FOXP1: variants seen among roughly 807,000 people sequenced by gnomAD.
FOXP1 encodes forkhead box protein P1.
In FOXP1, 15 loss-of-function variants were observed where a neutral mutation model predicts 98.2. The observed-to-expected ratio is 0.15, with a 90% CI of 0.10 to 0.24. The LOEUF is 0.24. FOXP1 is among the 10% of genes least tolerant of loss of function. The probability of loss-of-function intolerance (pLI) is 1.00; values close to 1 mark genes in which losing one functional copy is unlikely to be tolerated. For missense variants in FOXP1, 633 were observed against 848.5 expected (o/e 0.75, Z 3.15); for synonymous variants, 371 against 314.5 (o/e 1.18, Z -1.90).
At chr3:71,296,384 C>T (rs1479074176) in intron 5 of FOXP1, 3 of 152,180 alleles carry the variant, frequency 2.0e-5, no homozygotes, top group African/African-American at 7.2e-5. Flanking sequence ...AAACGCTAAC[C>T]ACTATATTCA....
At chr3:71,515,346 G>C (rs555206980) in intron 2 of FOXP1, among the ~76,000 whole-genome samples, 1 of 138,344 alleles carries the variant, frequency 7.2e-6, no homozygotes, top group African/African-American at 2.7e-5. Context: ...ATTTCTGCTT[G>C]TTGTTTTACA....
rs34693899 is a variant in FOXP1 at position 71,352,470 on chromosome 3, C to CAAAA, written c.-73+6676_-73+6679dup. Among the ~76,000 whole-genome samples, 318 of 66,542 alleles carry CAAAA rather than the reference C, an allele frequency of 4.8e-3. 7 individuals are homozygous for CAAAA. Among genetic ancestry groups the CAAAA allele is most frequent in the East Asian group, 6.7e-3 (13 of 1,930 alleles). 43.7% of individuals were successfully genotyped at this position (66,542 alleles called of 152,430 possible). A position where few individuals can be genotyped will look rare whatever the true frequency, so the allele number is the denominator to read the frequency against. On this transcript the variant is annotated intron_variant, in intron 4 of 20. Transcript: ENST00000649528. ...TGGGCAACAGAGCGAGACTCCATCT[C>CAAAA]AAAAAAAAAAAAAAAAAAAAAAACA...
intron 6 of FOXP1, among the ~76,000 whole-genome samples, chr3:71,160,481 G>T (rs757887230): frequency 6.6e-6 from 1 of 152,186 alleles, no homozygotes; most frequent in Non-Finnish European, 1.5e-5. Flanking sequence ...TGAAAATCAA[G>T]TGATAAACCA....
chr3:71,447,142 A>C (rs1230947945), intron 3 of FOXP1, among the ~76,000 whole-genome samples: 1 of 152,258 alleles, frequency 6.6e-6, no homozygotes, highest in Non-Finnish European at 1.5e-5. Flanking sequence ...AACCTCAGTA[A>C]ATAAATGCCA....
At chr3:71,542,198 C>A in intron 2 of FOXP1, 1 of 379,008 alleles carries the variant, frequency 2.6e-6, no homozygotes, top group South Asian at 2.1e-5. Context: ...TCATATGGCA[C>A]ATAAATTTTA....
chr3:71,026,752 G>A (rs979897959), intron 11 of FOXP1, among the ~76,000 whole-genome samples: 4 of 152,174 alleles, frequency 2.6e-5, no homozygotes, highest in Admixed American at 2.6e-4. Flanking sequence ...TGGGCAAAAT[G>A]TGCCATCTTG....
chr3:71,454,715 A>C (rs143304764), intron 3 of FOXP1, among the ~76,000 whole-genome samples: 2 of 152,136 alleles, frequency 1.3e-5, no homozygotes, highest in African/African-American at 4.8e-5. Flanking sequence ...GATGGTAGCG[A>C]AAGTTCCCTA....
intron 5 of FOXP1, among the ~76,000 whole-genome samples, chr3:71,200,850 T>G (rs1326692700): frequency 1.3e-5 from 2 of 152,252 alleles, no homozygotes; most frequent in Non-Finnish European, 2.9e-5. Context: ...TCTACAGACT[T>G]GCACAAAAAC....
intron 3 of FOXP1, among the ~76,000 whole-genome samples, chr3:71,428,801 A>G (rs1362805432): frequency 6.6e-6 from 1 of 152,162 alleles, no homozygotes; most frequent in Non-Finnish European, 1.5e-5. Context: ...CTTGAAGGGG[A>G]ACATTGGAAA....
intron 3 of FOXP1, among the ~76,000 whole-genome samples, chr3:71,401,523 A>T (rs937811311): frequency 5.3e-5 from 8 of 152,174 alleles, no homozygotes; most frequent in Non-Finnish European, 1.2e-4. Flanking sequence ...TCACTCAGAA[A>T]TCCTTCCTCT....
At chr3:71,046,031 A>C (rs2048991263) in intron 10 of FOXP1, among the ~76,000 whole-genome samples, 1 of 152,138 alleles carries the variant, frequency 6.6e-6, no homozygotes, top group South Asian at 2.1e-4. Flanking sequence ...ATTGTGTTTC[A>C]AAACACAGGC....
chr3:71,141,266 C>CAAAAAAAAA (rs71621921), intron 6 of FOXP1, among the ~76,000 whole-genome samples: 1 of 71,844 alleles, frequency 1.4e-5, no homozygotes, highest in Non-Finnish European at 3.0e-5. Flanking sequence ...GACTCTGTCT[C>CAAAAAAAAA]AAAAAAAAAA....
chr3:71,248,634 G>A (rs542791354), intron 5 of FOXP1, among the ~76,000 whole-genome samples: 18 of 152,046 alleles, frequency 1.2e-4, no homozygotes, highest in African/African-American at 4.1e-4. Context: ...CCAGCTACTC[G>A]GGTGGCTGAG....
chr3:71,122,863 C>T (rs2058877823), intron 6 of FOXP1, among the ~76,000 whole-genome samples: 1 of 152,160 alleles, frequency 6.6e-6, no homozygotes, highest in Non-Finnish European at 1.5e-5. Context: ...ACTGATTAGA[C>T]CAAAGATGGC....
intron 3 of FOXP1, among the ~76,000 whole-genome samples, chr3:71,421,915 A>C (rs34746553): frequency 0.031 from 4,716 of 152,298 alleles, 126 homozygotes; most frequent in Non-Finnish European, 0.043. Context: ...AAAGCTCAGA[A>C]GGCAAGTCAT....
chr3:71,241,931 T>G (rs570104772), intron 5 of FOXP1, among the ~76,000 whole-genome samples: 1 of 152,344 alleles, frequency 6.6e-6, no homozygotes, highest in South Asian at 2.1e-4. Context: ...GAAGATTTTT[T>G]TTTAAGCAGA....
chr3:71,072,188 A>C (rs2053326827), intron 7 of FOXP1, among the ~76,000 whole-genome samples: 1 of 152,122 alleles, frequency 6.6e-6, no homozygotes, highest in Non-Finnish European at 1.5e-5. Flanking sequence ...CAGGCATGGC[A>C]TGCATCTGTA....
At chr3:71,234,764 A>T (rs1007570308) in intron 5 of FOXP1, among the ~76,000 whole-genome samples, 6 of 152,212 alleles carry the variant, frequency 3.9e-5, no homozygotes, top group African/African-American at 1.4e-4. Flanking sequence ...TTGAAAATGG[A>T]AGCACTGTAT....
intron 4 of FOXP1, among the ~76,000 whole-genome samples, chr3:71,327,175 G>T (rs1428348451): frequency 1.3e-5 from 2 of 151,630 alleles, no homozygotes; most frequent in Non-Finnish European, 2.9e-5. Context: ...GAAGAGAAAA[G>T]ATACCTTCAG....
Sources: gnomAD v4.1 joint callset for allele counts (sites outside exome capture counted in the v4.1 genomes callset) on GRCh38, gnomAD v4.1.1 for gene constraint, MANE v1.5 for transcripts, NCBI Gene and HGNC (gene_info 2026-07-23, HGNC 2026-07-21) for gene names.